TMED3: variants seen among roughly 807,000 people sequenced by gnomAD.
TMED3 encodes transmembrane p24 trafficking protein 3.
In TMED3, 9 loss-of-function variants were observed where a neutral mutation model predicts 15.0. The ratio of observed to expected loss-of-function variants is 0.60; its 90% CI spans 0.36 to 1.04. TMED3 has a LOEUF of 1.04. Among genes scored for constraint, TMED3 ranks in the 50% least tolerant of loss-of-function variants. The pLI is 0.01. For synonymous variants in TMED3, 117 were observed against 121.4 expected (o/e 0.96, Z 0.24); for missense variants, 267 against 278.9 (o/e 0.96, Z 0.30).
chr15:79,410,805 T>C (rs1429728792), intron 2 of TMED3, among the ~76,000 whole-genome samples: 2 of 151,996 alleles, frequency 1.3e-5, no homozygotes, highest in Admixed American at 1.3e-4. Context: ...TCAGAAGCAA[T>C]GATTTGCAAG....
intron 2 of TMED3, among the ~76,000 whole-genome samples, chr15:79,364,354 C>T (rs1049571832): frequency 2.0e-5 from 3 of 151,996 alleles, no homozygotes; most frequent in Non-Finnish European, 1.5e-5. Context: ...CACTTGTGGG[C>T]CAGGTCGGAG....
intron 2 of TMED3, among the ~76,000 whole-genome samples, chr15:79,354,556 T>C (rs1001887115): frequency 4.6e-5 from 7 of 151,806 alleles, no homozygotes; most frequent in African/African-American, 1.5e-4. Flanking sequence ...AGCAAACAAT[T>C]TGGACTCTTG....
At chr15:79,330,561 A>G (rs975010654) in intron 2 of TMED3, among the ~76,000 whole-genome samples, 1 of 152,224 alleles carries the variant, frequency 6.6e-6, no homozygotes, top group Non-Finnish European at 1.5e-5. Context: ...AAAAATTCCC[A>G]TGCTCATGGA....
intron 2 of TMED3, among the ~76,000 whole-genome samples, chr15:79,393,422 C>G (rs866829439): frequency 6.6e-6 from 1 of 152,146 alleles, no homozygotes; most frequent in African/African-American, 2.4e-5. Context: ...GCACTCGGGA[C>G]TTGGTTTGAA....
chr15:79,382,464 A>G (rs1010987615), intron 2 of TMED3, among the ~76,000 whole-genome samples: 3 of 152,222 alleles, frequency 2.0e-5, no homozygotes, highest in Admixed American at 2.0e-4. Context: ...GCTGATACCC[A>G]CATGAGCCCA....
At chr15:79,366,825 G>T (rs866301027) in intron 2 of TMED3, among the ~76,000 whole-genome samples, 1 of 152,182 alleles carries the variant, frequency 6.6e-6, no homozygotes, top group African/African-American at 2.4e-5. Context: ...TTTGAGGAAG[G>T]AGTTGGACTC....
intron 2 of TMED3, among the ~76,000 whole-genome samples, chr15:79,377,867 C>T (rs1202401477): frequency 1.3e-5 from 2 of 152,132 alleles, no homozygotes; most frequent in African/African-American, 2.4e-5. Flanking sequence ...AGGATGGTCT[C>T]GATCTCCTGA....
chr15:79,342,915 A>G (rs2058856665), intron 2 of TMED3, among the ~76,000 whole-genome samples: 1 of 152,196 alleles, frequency 6.6e-6, no homozygotes. Flanking sequence ...TAAGTGCTAT[A>G]AAGACAAAGT....
At chr15:79,353,193 A>AAT (rs1376603486) in intron 2 of TMED3, among the ~76,000 whole-genome samples, 5 of 67,958 alleles carry the variant, frequency 7.4e-5, no homozygotes, top group East Asian at 4.4e-4. Context: ...AAATATATAT[A>AAT]ATATATAAAA....
intron 2 of TMED3, among the ~76,000 whole-genome samples, chr15:79,353,740 A>C (rs972718571): frequency 1.3e-5 from 2 of 151,998 alleles, no homozygotes; most frequent in African/African-American, 4.8e-5. Flanking sequence ...CTGTTTTAAA[A>C]AATGAAGACA....
At chr15:79,363,527 C>T (rs920612959) in intron 2 of TMED3, among the ~76,000 whole-genome samples, 1 of 142,618 alleles carries the variant, frequency 7.0e-6, no homozygotes, top group African/African-American at 2.5e-5. Flanking sequence ...AAAAAATCTC[C>T]AAGTGAAAAA....
chr15:79,328,277 C>A (rs1287721325), intron 2 of TMED3, among the ~76,000 whole-genome samples: 1 of 152,170 alleles, frequency 6.6e-6, no homozygotes, highest in Non-Finnish European at 1.5e-5. Context: ...TGATGATAAT[C>A]TGGCTTCTCG....
chr15:79,361,713 A>AAT (rs1555423280), intron 2 of TMED3, among the ~76,000 whole-genome samples: 3 of 56,770 alleles, frequency 5.3e-5, no homozygotes, highest in Admixed American at 4.4e-4. Flanking sequence ...AAATAAAAAA[A>AAT]TTAAAAAAAA....
At chr15:79,412,929 G>A (rs900741699) in exon 3 of TMED3, 1 of 152,194 alleles carries the variant, frequency 6.6e-6, no homozygotes, top group Non-Finnish European at 1.5e-5. Flanking sequence ...CTAGGGTTAG[G>A]GTATGCAGTC....
chr15:79,398,138 T>G (rs1170369042), intron 2 of TMED3, among the ~76,000 whole-genome samples: 1 of 152,116 alleles, frequency 6.6e-6, no homozygotes, highest in Non-Finnish European at 1.5e-5. Flanking sequence ...GCTCTACCTA[T>G]TCATCCCTCC....
At chr15:79,360,105 C>T (rs1446908790) in intron 2 of TMED3, among the ~76,000 whole-genome samples, 1 of 152,164 alleles carries the variant, frequency 6.6e-6, no homozygotes, top group African/African-American at 2.4e-5. Context: ...GGGCCATGGA[C>T]AGGCACAGCG....
chr15:79,327,382 G>C (rs2058791214), downstream of TMED3, among the ~76,000 whole-genome samples: 2 of 152,192 alleles, frequency 1.3e-5, no homozygotes, highest in Admixed American at 6.5e-5. Flanking sequence ...CACCCAATCT[G>C]TGGTATTCTG....
chr15:79,349,382 T>C lies in TMED3; in HGVS notation c.417+35377T>C, dbSNP rs956441914. ...GTATAAGATACTTTTTTATCATCTCTGGTAATGGAGATTGCATCTGGGAAG... is the reference window on the plus strand; with the variant it reads ...GTATAAGATACTTTTTTATCATCTCCGGTAATGGAGATTGCATCTGGGAAG... On this transcript the variant is annotated intron_variant, in intron 2 of 2. Transcript: ENST00000424155. Among the ~76,000 whole-genome samples the C allele has an allele frequency of 5.8e-4, 89 of 152,178 alleles. 2 individuals are homozygous for C. Among genetic ancestry groups the C allele is most frequent in the Admixed American group, 5.0e-3 (76 of 15,272 alleles).
Position 79,371,776 on chromosome 15 carries a change from A to T in TMED3, c.418-39624A>T, listed in dbSNP as rs568245156. ...CTTTAGGTTTTACAATAGTGATGTT[A>T]TCTATAGGAGTAGTTGGGGAAGTTA... On this transcript the variant is annotated intron_variant, in intron 2 of 2. Coordinates refer to the TMED3 transcript ENST00000424155. 1.1e-4 allele frequency among the ~76,000 whole-genome samples: 16 copies of T among 152,340 alleles called. No homozygotes were observed. In the South Asian group the frequency reaches 3.3e-3, roughly 32 times the overall value.
Sources: allele counts gnomAD v4.1 joint callset (sites outside exome capture counted in the v4.1 genomes callset), GRCh38; gene constraint gnomAD v4.1.1; transcripts MANE v1.5; gene names NCBI Gene and HGNC (gene_info 2026-07-23, HGNC 2026-07-21).